The following GPM6A variants were observed in gnomAD, a reference collection of about 807,000 sequenced individuals.
GPM6A encodes glycoprotein M6A.
GPM6A carries 7 observed loss-of-function variants against 32.1 expected under a neutral mutation model. The observed-to-expected ratio is 0.22, with a 90% CI of 0.12 to 0.41. The LOEUF is 0.41. Ranked by LOEUF, GPM6A falls within the 10% of genes least tolerant of loss-of-function variation. The pLI is 1.00. For missense variants in GPM6A, 235 were observed against 347.2 expected, an observed-to-expected ratio of 0.68 and a Z score of 2.57; for synonymous variants, 130 against 123.4, an observed-to-expected ratio of 1.05 and a Z score of -0.35.
In GPM6A at chr4:175,807,297, A is replaced by C. The variant is rs1003488831; in HGVS notation, c.37+4894T>G. 3 of 152,354 alleles carry C rather than the reference A, an allele frequency of 2.0e-5. No individual in the cohort carries two copies. In the East Asian group the frequency reaches 5.8e-4, roughly 29 times the overall value. 9.4% of individuals were successfully genotyped at this position (152,354 alleles called of 1,614,324 possible). A position where few individuals can be genotyped will look rare whatever the true frequency, so the allele number is the denominator to read the frequency against. The stretch of plus-strand genomic sequence containing the variant: ...AATACACTAAAGAAAGACTGGTGTC[A>C]AAGTTGAAATTTAATACATTAAATA... On this transcript the variant is annotated intron_variant, in intron 1 of 6. Transcript: ENST00000393658.
chr4:175,661,372 T>A (rs1579354337), intron 3 of GPM6A, among the ~76,000 whole-genome samples: 1 of 149,524 alleles, frequency 6.7e-6, no homozygotes. Flanking sequence ...GAGGTGGAGG[T>A]TTCAGTGAGC....
intron 1 of GPM6A, among the ~76,000 whole-genome samples, chr4:175,709,195 A>G (rs1745388643): frequency 6.6e-6 from 1 of 151,624 alleles, no homozygotes; most frequent in Non-Finnish European, 1.5e-5. Context: ...AGTGATTTTA[A>G]TTCTTCCTTT....
chr4:175,900,372 G>A (rs865876510), intron 1 of GPM6A, among the ~76,000 whole-genome samples: 1 of 144,976 alleles, frequency 6.9e-6, no homozygotes. Flanking sequence ...GGAAAAGAAA[G>A]GAAAGGAAAG....
In GPM6A at chr4:175,969,572, G is replaced by A. The variant is rs149859711; in HGVS notation, c.-23+32737C>T. On this transcript the variant is annotated intron_variant, in intron 1 of 7. Transcript: ENST00000280187. ...GAAAAAAAGAAAAAATTATCTGGGC[G>A]TGGTGGTGGGCACTTGTAATCCCAG... is the stretch of plus-strand genomic sequence containing the variant. Among the ~76,000 whole-genome samples, 188 of 152,198 alleles carry A rather than the reference G, an allele frequency of 1.2e-3. 1 individual carries two copies. The highest frequency in any genetic ancestry group is 3.4e-3 in the Middle Eastern group (1 of 294).
intron 1 of GPM6A, among the ~76,000 whole-genome samples, chr4:175,874,445 G>C (rs1010589428): frequency 1.3e-5 from 2 of 152,124 alleles, no homozygotes; most frequent in Non-Finnish European, 2.9e-5. Context: ...GTTGATATTG[G>C]GAGAGTTCCC....
At chr4:175,931,709 C>CACACATATATATATATATATAT (rs1324269132) in intron 1 of GPM6A, among the ~76,000 whole-genome samples, 1 of 129,298 alleles carries the variant, frequency 7.7e-6, no homozygotes, top group African/African-American at 2.9e-5. Flanking sequence ...CACACACACA[C>CACACATATATATATATATATAT]ATATATATAT....
chr4:175,850,270 C>T (rs114657415), intron 1 of GPM6A, among the ~76,000 whole-genome samples: 3,701 of 152,072 alleles, frequency 0.024, 48 homozygotes, highest in Non-Finnish European at 0.037. Context: ...CAATCACCAC[C>T]GTGGGATTTA....
intron 1 of GPM6A, among the ~76,000 whole-genome samples, chr4:175,717,316 A>T (rs1210298465): frequency 6.6e-6 from 1 of 152,238 alleles, no homozygotes; most frequent in East Asian, 1.9e-4. Flanking sequence ...GAAAGAGAAC[A>T]CTACTTATTT....
intron 1 of GPM6A, among the ~76,000 whole-genome samples, chr4:175,714,203 C>T (rs1745709193): frequency 6.6e-6 from 1 of 151,980 alleles, no homozygotes; most frequent in South Asian, 2.1e-4. Context: ...ATTAGATGCC[C>T]TGAATCCTTT....
At chr4:175,886,288 G>T (rs1412112425) in intron 1 of GPM6A, among the ~76,000 whole-genome samples, 3 of 152,090 alleles carry the variant, frequency 2.0e-5, no homozygotes, top group Non-Finnish European at 4.4e-5. Flanking sequence ...ATCCATAAGA[G>T]CATTATAATT....
At chr4:175,878,243 G>T (rs774878850) in intron 1 of GPM6A, among the ~76,000 whole-genome samples, 2 of 152,178 alleles carry the variant, frequency 1.3e-5, no homozygotes, top group Non-Finnish European at 2.9e-5. Flanking sequence ...CCATTCTGGG[G>T]TCTGGAGGAT....
chr4:175,871,153 A>G (rs1736893974), intron 1 of GPM6A, among the ~76,000 whole-genome samples: 1 of 151,730 alleles, frequency 6.6e-6, no homozygotes, highest in Non-Finnish European at 1.5e-5. Context: ...TCGAACCAAA[A>G]TTTTGGAATT....
At chr4:175,971,662 A>C (rs992283640) in intron 1 of GPM6A, among the ~76,000 whole-genome samples, 1 of 152,196 alleles carries the variant, frequency 6.6e-6, no homozygotes, top group African/African-American at 2.4e-5. Context: ...TGTGCAGTGA[A>C]TAGAGAGATG....
At chr4:175,983,106 A>G (rs1185799335) in intron 1 of GPM6A, among the ~76,000 whole-genome samples, 1 of 152,162 alleles carries the variant, frequency 6.6e-6, no homozygotes, top group African/African-American at 2.4e-5. Context: ...ATATAGCACA[A>G]GGTGCCTCAA....
At chr4:175,933,538 C>T (rs1484747865) in intron 1 of GPM6A, among the ~76,000 whole-genome samples, 1 of 151,892 alleles carries the variant, frequency 6.6e-6, no homozygotes, top group African/African-American at 2.4e-5. Flanking sequence ...TACACAAAGA[C>T]TTACACGTAA....
At chr4:175,830,579 G>C (rs768339721) in intron 1 of GPM6A, among the ~76,000 whole-genome samples, 2 of 152,126 alleles carry the variant, frequency 1.3e-5, no homozygotes, top group Non-Finnish European at 2.9e-5. Flanking sequence ...AAGGATTTAA[G>C]TGATTTACCA....
At chr4:175,830,627 T>C (rs780866678) in intron 1 of GPM6A, among the ~76,000 whole-genome samples, 14 of 152,066 alleles carry the variant, frequency 9.2e-5, no homozygotes, top group African/African-American at 3.1e-4. Flanking sequence ...AATGGCAGAG[T>C]TGAGATTCAA....
At chr4:175,665,007 G>T (rs1176136689) in intron 3 of GPM6A, among the ~76,000 whole-genome samples, 1 of 152,156 alleles carries the variant, frequency 6.6e-6, no homozygotes, top group East Asian at 1.9e-4. Flanking sequence ...GTAAGTATTT[G>T]TGTCTCTAAA....
At chr4:175,722,382 C>G (rs2111118729) in intron 1 of GPM6A, among the ~76,000 whole-genome samples, 2 of 152,042 alleles carry the variant, frequency 1.3e-5, no homozygotes, top group South Asian at 4.2e-4. Flanking sequence ...TGGTTCCAGC[C>G]TCTTTCAACT....
Sources: allele counts gnomAD v4.1 joint callset (sites outside exome capture counted in the v4.1 genomes callset), GRCh38; gene constraint gnomAD v4.1.1; transcripts MANE v1.5; gene names NCBI Gene and HGNC (gene_info 2026-07-23, HGNC 2026-07-21).